PRPF8: variants seen among roughly 807,000 people sequenced by gnomAD.
PRPF8 encodes pre-mRNA-processing-splicing factor 8.
In PRPF8, 64 loss-of-function variants were observed where a neutral mutation model predicts 285.9. The observed-to-expected ratio is 0.22, with a 90% CI of 0.18 to 0.28. PRPF8 has a LOEUF of 0.28. Among genes scored for constraint, PRPF8 ranks in the 10% least tolerant of loss-of-function variants. The pLI, the probability that PRPF8 is intolerant of heterozygous loss-of-function variation, is 1.00. For missense variants in PRPF8, 1,426 were observed against 3,026.7 expected (o/e 0.47, Z 12.41); for synonymous variants, 1,325 against 1,118.2 (o/e 1.18, Z -3.69).
intron 7 of PRPF8, 37 bp downstream of exon 7, chr17:1,680,892 C>A: frequency 6.2e-7 from 1 of 1,614,166 alleles, no homozygotes; most frequent in Non-Finnish European, 8.5e-7. Flanking sequence ...AAACAGCAGC[C>A]TTCTCCTTTC....
Position 1,677,772 on chromosome 17 carries a change from G to A in PRPF8, c.1855-78C>T, listed in dbSNP as rs1003753685. On this transcript the variant is annotated intron_variant, in intron 13 of 42. Transcript: ENST00000304992. Reference sequence around the variant, plus strand: ...CAATAGAAACCTGGGCAGAGGTGGGGCATATATGTATAATATACATACAGA... The same window carrying A: ...CAATAGAAACCTGGGCAGAGGTGGGACATATATGTATAATATACATACAGA... The A allele has an allele frequency of 5.1e-6, 8 of 1,573,454 alleles. No individual in the cohort carries two copies. The East Asian group carries it at 6.7e-5, about 13-fold the overall frequency.
At position 1,659,004 on chromosome 17, in the gene PRPF8, C is replaced by T. The variant is rs1460133878; in HGVS notation, c.5139-241G>A. 18 of 611,546 alleles carry T rather than the reference C, an allele frequency of 2.9e-5. No homozygotes were observed. The highest frequency in any genetic ancestry group is 3.2e-5 in the Non-Finnish European group (11 of 346,200). 37.9% of individuals were successfully genotyped at this position (611,546 alleles called of 1,614,324 possible). ...AAGTATGGAGCTAATGGAAAATACA[C>T]GGATTATTTATTTATTTATTATTAT... On this transcript the variant is annotated intron_variant, in intron 32 of 42. Coordinates refer to ENST00000304992, the MANE Select transcript of PRPF8 (RefSeq NM_006445.4). This position sits in a 1 kb window ranked among gnomAD's most constrained non-coding sequence, Gnocchi z 5.1.
In PRPF8 at chr17:1,678,538, T is replaced by C. The variant is rs1441550270; in HGVS notation, c.1834A>G (p.Ile612Val). The C allele has an allele frequency of 1.2e-6, 2 of 1,614,210 alleles. No individual in the cohort carries two copies. The highest frequency in any genetic ancestry group is 1.1e-5 in the South Asian group (1 of 91,090). Residue 612 changes from isoleucine (I) to valine (V), a missense_variant, in exon 13 of 43, where the codon ATC becomes GTC. Ile to Val is a conservative substitution (Grantham distance 29). Transcript: ENST00000304992. Reference protein sequence around the residue: ...IRMCKDLKHLIYYRFNTGPVG... With the variant: ...IRMCKDLKHLVYYRFNTGPVG... Reference sequence around the variant, plus strand: ...CTCACCGTGTTGAAACGATAATAGATGAGATGCTTCAGGTCCTTGCACATG... The same window carrying C: ...CTCACCGTGTTGAAACGATAATAGACGAGATGCTTCAGGTCCTTGCACATG...
rs1054150458 is a variant in PRPF8, at chr17:1,676,153, C to T, written c.2552+54G>A. On this transcript the variant is annotated intron_variant, in intron 17 of 42. Transcript: ENST00000304992. The surrounding 1 kb of genome is among the most constrained non-coding windows in gnomAD (Gnocchi z 6.3). Reference sequence around the variant, plus strand: ...TTCTTTCTTTGGACTCTGAGGATGACGCCATTCCCTGCTGTCACCTTCCCA... The same window carrying T: ...TTCTTTCTTTGGACTCTGAGGATGATGCCATTCCCTGCTGTCACCTTCCCA... 57 of 1,612,006 alleles carry T rather than the reference C, an allele frequency of 3.5e-5. No individual in the cohort carries two copies. Among genetic ancestry groups the T allele is most frequent in the Non-Finnish European group, 4.2e-5 (49 of 1,179,826 alleles).
chr17:1,658,191 G>A lies in PRPF8; in HGVS notation c.5505+62C>T, dbSNP rs1400017873. 1.2e-6 allele frequency: 2 copies of A among 1,611,214 alleles called. No homozygotes were observed. The highest frequency in any genetic ancestry group is 2.7e-5 in the African/African-American group (2 of 74,810). ...CTAATAAACCAGTAAATATTACCAA[G>A]TCCACCCCAAGAATAAGAGGCAACA... On this transcript the variant is annotated intron_variant, in intron 34 of 42. Transcript: ENST00000304992. This position sits in a 1 kb window ranked among gnomAD's most constrained non-coding sequence, Gnocchi z 4.1.
chr17:1,680,967 G>A lies in PRPF8; in HGVS notation c.954C>T (p.Tyr318=), dbSNP rs1912887718. 1 of 1,614,008 alleles carries A rather than the reference G, an allele frequency of 6.2e-7. No individual in the cohort carries two copies. The highest frequency in any genetic ancestry group is 1.6e-4 in the Middle Eastern group (1 of 6,062). Residue 318 remains tyrosine (Y), a synonymous_variant, in exon 7 of 43, where the codon TAC becomes TAT. Transcript: ENST00000304992. The stretch of plus-strand genomic sequence containing the variant: ...CATGGTGTGGAAGATTGTTGTACAA[G>A]TAAGGAAAAGCAATCTTGTACTCAG... ...IRTEYKIAFP[Y]LYNNLPHHVH...
At position 1,655,502 on chromosome 17, in the gene PRPF8, C is replaced by T; in HGVS notation, c.5835G>A (p.Val1945=). The T allele has an allele frequency of 6.2e-7, 1 of 1,614,042 alleles. No homozygotes were observed. Among genetic ancestry groups the T allele is most frequent in the African/African-American group, 1.3e-5 (1 of 74,998 alleles). Residue 1945 remains valine (V), a synonymous_variant, in exon 37 of 43, where the codon GTG becomes GTA. Coordinates refer to ENST00000304992, the MANE Select transcript of PRPF8 (RefSeq NM_006445.4). ...GGATCACTTTTGCCCGATCGTTGTT[C>T]ACATGTAGGGCACGCAGAATCAGGA... ...RLILILRALH[V]NNDRAKVILK... is the part of the protein sequence containing the mutation.
chr17:1,679,893 T>C lies in PRPF8; in HGVS notation c.1099-94A>G. On this transcript the variant is annotated intron_variant, in intron 8 of 42. Coordinates refer to ENST00000304992, the MANE Select transcript of PRPF8 (RefSeq NM_006445.4). The surrounding 1 kb of genome is among the most constrained non-coding windows in gnomAD (Gnocchi z 4.7). ...TCTCTGGGGCCAAGCACAAAGCCTG[T>C]ATCTGCTATGGAAACTGGGCTGTCT... 7.0e-7 allele frequency: 1 copy of C among 1,435,706 alleles called. No individual in the cohort carries two copies. Among genetic ancestry groups the C allele is most frequent in the Non-Finnish European group, 9.8e-7 (1 of 1,017,980 alleles). The allele number at this position is 1,435,706 out of a possible 1,614,324, so 88.9% of individuals were successfully genotyped here.
chr17:1,659,995 C>T lies in PRPF8; in HGVS notation c.4792G>A (p.Asp1598Asn), dbSNP rs759664867. 2.3e-5 allele frequency: 37 copies of T among 1,613,954 alleles called. No homozygotes were observed. Among genetic ancestry groups the T allele is most frequent in the Non-Finnish European group, 2.8e-5 (33 of 1,179,934 alleles). The change falls in exon 31 of 43, where the codon GAC becomes AAC. Residue 1598 changes from aspartate (D) to asparagine (N), a missense_variant. Transcript: ENST00000304992. The surrounding 1 kb of genome is among the most constrained non-coding windows in gnomAD (Gnocchi z 5.1). ...SIVMDLCQVF[D>N]QELDALEIET... is the part of the protein sequence containing the mutation. The stretch of plus-strand genomic sequence containing the variant: ...ATTTCCAGTGCATCAAGTTCCTGGT[C>T]AAACACCTGAAGGAAAACATGGAGA...
chr17:1,673,946 C>T lies in PRPF8; in HGVS notation c.3300-54G>A, dbSNP rs1912467471. The stretch of plus-strand genomic sequence containing the variant: ...CCCCAGTACACTGAGATTTGGGACA[C>T]CCACAAGTCCTCCAGCTCAATAGAC... On this transcript the variant is annotated intron_variant, in intron 21 of 42. Coordinates refer to ENST00000304992, the MANE Select transcript of PRPF8 (RefSeq NM_006445.4). The surrounding 1 kb of genome is among the most constrained non-coding windows in gnomAD (Gnocchi z 5.5). 6.2e-7 allele frequency: 1 copy of T among 1,600,368 alleles called. No homozygotes were observed. Among genetic ancestry groups the T allele is most frequent in the Non-Finnish European group, 8.5e-7 (1 of 1,176,436 alleles).
chr17:1,671,475 G>C (rs1229954928), intron 24 of PRPF8, among the ~76,000 whole-genome samples: 1 of 152,144 alleles, frequency 6.6e-6, no homozygotes, highest in Non-Finnish European at 1.5e-5. Context: ...TCCAGCATTA[G>C]AGAGGCTAAG....
intron 13 of PRPF8, 93 bp from the exon 14 acceptor site, chr17:1,677,787 A>G (rs1384500254): frequency 2.0e-5 from 31 of 1,516,972 alleles, no homozygotes; most frequent in Non-Finnish European, 2.8e-5. Context: ...TATGTATAAT[A>G]TACATACAGA....
In PRPF8 at chr17:1,651,973, G is replaced by T; in HGVS notation, c.6370-185C>A. On this transcript the variant is annotated intron_variant, in intron 39 of 42. Transcript: ENST00000304992. This position sits in a 1 kb window ranked among gnomAD's most constrained non-coding sequence, Gnocchi z 5.1. ...AAATGTTAGACATGGACCTCATCGC[G>T]GACTTACCACATCAGAATCTCCTGA... 1 of 738,688 alleles carries T rather than the reference G, an allele frequency of 1.4e-6. No individual in the cohort carries two copies. The highest frequency in any genetic ancestry group is 2.3e-6 in the Non-Finnish European group (1 of 432,336). The allele number at this position is 738,688 out of a possible 1,614,324, so 45.8% of individuals were successfully genotyped here.
intron 4 of PRPF8, 45 bp downstream of exon 4, chr17:1,682,084 A>AACC (rs200119630): frequency 9.0e-5 from 145 of 1,610,242 alleles, no homozygotes; most frequent in Middle Eastern, 8.3e-4. Flanking sequence ...ACTGCCTCCC[A>AACC]ACCACCACCA....
In PRPF8 at chr17:1,661,885, A is replaced by G; in HGVS notation, c.4022+21T>C. On this transcript the variant is annotated intron_variant, in intron 25 of 42. Transcript: ENST00000304992. The surrounding 1 kb of genome is among the most constrained non-coding windows in gnomAD (Gnocchi z 7.3). ...AGGGCCTGAGCAATAGGGTTTAGAA[A>G]TACGTTGAACCAGGCTGTACCTGAG... is the stretch of plus-strand genomic sequence containing the variant. The G allele has an allele frequency of 6.2e-7, 1 of 1,614,224 alleles. No individual in the cohort carries two copies. The highest frequency in any genetic ancestry group is 8.5e-7 in the Non-Finnish European group (1 of 1,180,036).
In PRPF8 at chr17:1,661,721, G is replaced by A. The variant is rs917548588; in HGVS notation, c.4092C>T (p.Leu1364=). The A allele has an allele frequency of 1.9e-6, 3 of 1,614,134 alleles. No homozygotes were observed. The highest frequency in any genetic ancestry group is 2.7e-5 in the African/African-American group (2 of 74,950). Residue 1364 remains leucine (L), a synonymous_variant, in exon 26 of 43, where the codon CTC becomes CTT. Transcript: ENST00000304992. The surrounding 1 kb of genome is among the most constrained non-coding windows in gnomAD (Gnocchi z 7.3). The part of the protein sequence containing the change: ...RSGMSHEEDQ[L]IPNLYRYIQP... The stretch of plus-strand genomic sequence containing the variant: ...GTATGTAGCGGTACAAGTTGGGAAT[G>A]AGCTGGTCTTCTTCATGGCTCATTC...
chr17:1,658,163 C>T lies in PRPF8; in HGVS notation c.5505+90G>A. The T allele has an allele frequency of 6.3e-7, 1 of 1,585,356 alleles. No homozygotes were observed. The highest frequency in any genetic ancestry group is 1.3e-5 in the African/African-American group (1 of 74,430). ...TTCAAATGAGATGTTCTCAGCCTTTCATCTAATAAACCAGTAAATATTACC... is the reference window on the plus strand; with the variant it reads ...TTCAAATGAGATGTTCTCAGCCTTTTATCTAATAAACCAGTAAATATTACC... On this transcript the variant is annotated intron_variant, in intron 34 of 42. Transcript: ENST00000304992. The surrounding 1 kb of genome is among the most constrained non-coding windows in gnomAD (Gnocchi z 4.1).
chr17:1,671,085 T>C (rs139840461), intron 24 of PRPF8, among the ~76,000 whole-genome samples: 305 of 152,270 alleles, frequency 2.0e-3, no homozygotes, highest in African/African-American at 7.0e-3. Flanking sequence ...ATTCCACAAT[T>C]TACTCCAGCA....
chr17:1,677,204 G>C (rs758904281), intron 14 of PRPF8, 32 bp from the exon 15 acceptor site: 1 of 1,602,042 alleles, frequency 6.2e-7, no homozygotes, highest in Non-Finnish European at 8.5e-7. Context: ...GGGATTACAA[G>C]GAAGATTCCT....
Sources: gnomAD v4.1 joint callset for allele counts (sites outside exome capture counted in the v4.1 genomes callset) on GRCh38, gnomAD v4.1.1 for gene constraint, Gnocchi (gnomAD v3.1) non-coding constraint, MANE v1.5 for transcripts, NCBI Gene and HGNC (gene_info 2026-07-23, HGNC 2026-07-21) for gene names.